The following XRN1 variants were observed in gnomAD, a reference collection of about 807,000 sequenced individuals.
XRN1 encodes 5'-3' exoribonuclease 1, also known as strand-exchange protein 1 homolog.
A neutral mutation model predicts 222.3 loss-of-function variants in XRN1; 67 were observed. The observed-to-expected ratio is 0.30, with a 90% CI of 0.25 to 0.37. The LOEUF is 0.37. Among genes scored for constraint, XRN1 ranks in the 10% least tolerant of loss-of-function variants. The pLI is 1.00. For missense variants in XRN1, 1,707 were observed against 2,000.2 expected, an observed-to-expected ratio of 0.85 and a Z score of 2.80; for synonymous variants, 643 against 652.4, an observed-to-expected ratio of 0.99 and a Z score of 0.22.
In XRN1 at chr3:142,418,814, C is replaced by A; in HGVS notation, c.1240+1G>T. On this transcript the variant is annotated splice_donor_variant, in intron 11 of 40. Transcript: ENST00000392981. LOFTEE classifies it high-confidence loss of function. ...TATCAAAACACATACTTCATACTTACCCTTAGAAGTTATCATTTCGCCTTC... is the reference window on the plus strand; with the variant it reads ...TATCAAAACACATACTTCATACTTAACCTTAGAAGTTATCATTTCGCCTTC... 1 of 1,613,670 alleles carries A rather than the reference C, an allele frequency of 6.2e-7. No individual in the cohort carries two copies. The highest frequency in any genetic ancestry group is 8.5e-7 in the Non-Finnish European group (1 of 1,179,670).
At chr3:142,427,845 G>C (rs2069325982) in intron 2 of XRN1, among the ~76,000 whole-genome samples, 1 of 152,216 alleles carries the variant, frequency 6.6e-6, no homozygotes. Flanking sequence ...TCTGCTTTGA[G>C]TATAGTTTCT....
At chr3:142,338,015 G>C (rs1022442427) in intron 33 of XRN1, among the ~76,000 whole-genome samples, 2 of 152,154 alleles carry the variant, frequency 1.3e-5, no homozygotes, top group Non-Finnish European at 2.9e-5. Context: ...GAAGTGCTTT[G>C]GAGCCTTAAA....
chr3:142,324,459 T>G (rs1332114815), intron 37 of XRN1, among the ~76,000 whole-genome samples: 1 of 152,066 alleles, frequency 6.6e-6, no homozygotes, highest in Non-Finnish European at 1.5e-5. Context: ...TATTCCATGG[T>G]GTATATCTGC....
intron 15 of XRN1, among the ~76,000 whole-genome samples, chr3:142,406,467 T>G (rs1275610375): frequency 6.6e-6 from 1 of 152,220 alleles, no homozygotes; most frequent in Non-Finnish European, 1.5e-5. Context: ...ATATGACTGC[T>G]GACATGGCTG....
At chr3:142,382,517 CTG>C (rs1243673016) in intron 22 of XRN1, among the ~76,000 whole-genome samples, 1 of 152,092 alleles carries the variant, frequency 6.6e-6, no homozygotes, top group Non-Finnish European at 1.5e-5. Flanking sequence ...AACCTGGTTC[CTG>C]TGTTTACATG....
intron 29 of XRN1, 60 bp downstream of exon 29, chr3:142,364,987 C>T (rs1429561217): frequency 9.3e-6 from 14 of 1,501,146 alleles, no homozygotes; most frequent in Non-Finnish European, 1.3e-5. Flanking sequence ...AACAGACAAG[C>T]CTGTTTATTA....
Position 142,316,435 on chromosome 3 carries a change from G to A in XRN1, c.4621+2157C>T, listed in dbSNP as rs6784923. 8.7e-4 allele frequency among the ~76,000 whole-genome samples: 132 copies of A among 151,910 alleles called. 1 individual carries two copies. Among genetic ancestry groups the A allele is most frequent in the African/African-American group, 2.9e-3 (119 of 41,470 alleles). On this transcript the variant is annotated intron_variant, in intron 39 of 40. Transcript: ENST00000392981. Reference sequence around the variant, plus strand: ...GGGGTTTTATCATGTTGCCCAGGCTGTTTTGCCATGTTGCCCAGGCTAATA... The same window carrying A: ...GGGGTTTTATCATGTTGCCCAGGCTATTTTGCCATGTTGCCCAGGCTAATA...
chr3:142,352,441 A>AT (rs1298998152), intron 32 of XRN1, among the ~76,000 whole-genome samples: 3 of 151,380 alleles, frequency 2.0e-5, no homozygotes, highest in African/African-American at 4.9e-5. Context: ...TGTCACCTTA[A>AT]TTTTTTTCTT....
At chr3:142,428,322 G>C (rs1253723088) in intron 2 of XRN1, among the ~76,000 whole-genome samples, 1 of 151,170 alleles carries the variant, frequency 6.6e-6, no homozygotes, top group African/African-American at 2.4e-5. Flanking sequence ...TTGAACCCAG[G>C]GGGCAGAGGC....
At chr3:142,347,519 C>T (rs974544720) in intron 32 of XRN1, among the ~76,000 whole-genome samples, 177 bp from the exon 33 acceptor site, 2 of 151,946 alleles carry the variant, frequency 1.3e-5, no homozygotes. Flanking sequence ...GACTCATTAA[C>T]ATAATGATCA....
At chr3:142,339,905 A>G (rs1210288079) in intron 33 of XRN1, among the ~76,000 whole-genome samples, 1 of 152,372 alleles carries the variant, frequency 6.6e-6, no homozygotes, top group Admixed American at 6.5e-5. Flanking sequence ...GAATTCTATC[A>G]GATACATTTC....
rs145329145 is a variant in XRN1 at position 142,338,215 on chromosome 3, C to T, written c.3878-2706G>A. On this transcript the variant is annotated intron_variant, in intron 33 of 40. Coordinates refer to ENST00000392981, the MANE Select transcript of XRN1 (RefSeq NM_001282857.2). The stretch of plus-strand genomic sequence containing the variant: ...CAGCTTGAGGCTCCAAAAGACATCC[C>T]TCTCTTCCACTTGACGAAAGAAAAG... 7.2e-5 allele frequency among the ~76,000 whole-genome samples: 11 copies of T among 152,300 alleles called. No homozygotes were observed. The East Asian group carries it at 1.4e-3, about 19-fold the overall frequency.
chr3:142,384,941 A>C (rs1331775606), intron 20 of XRN1, among the ~76,000 whole-genome samples: 3 of 152,168 alleles, frequency 2.0e-5, no homozygotes, highest in African/African-American at 7.2e-5. Context: ...TCTCACATCC[A>C]CTAGGATCGT....
chr3:142,364,561 T>G (rs1022402657), intron 29 of XRN1, among the ~76,000 whole-genome samples: 2 of 152,188 alleles, frequency 1.3e-5, no homozygotes, highest in Non-Finnish European at 2.9e-5. Flanking sequence ...GTTGTATTCA[T>G]AAAGTCCAAA....
intron 25 of XRN1, 35 bp from the exon 26 acceptor site, chr3:142,371,363 T>C (rs758459194): frequency 6.7e-7 from 1 of 1,496,222 alleles, no homozygotes; most frequent in Non-Finnish European, 9.1e-7. Context: ...TCTTAAAATA[T>C]ATATGGTTAA....
rs958306780 is a variant in XRN1 at position 142,309,836 on chromosome 3, G to A, written c.*1675C>T. ...TACTGTCACAATTTAACTTTTCTTT[G>A]TATTACCATAATAGATGTTTCCTTT... On this transcript the variant is annotated 3_prime_UTR_variant, in exon 41 of 41. Coordinates refer to ENST00000392981, the MANE Select transcript of XRN1 (RefSeq NM_001282857.2). 2 of 152,124 alleles carry A rather than the reference G, an allele frequency of 1.3e-5. No individual in the cohort carries two copies. The highest frequency in any genetic ancestry group is 2.9e-5 in the Non-Finnish European group (2 of 68,010). 9.4% of individuals were successfully genotyped at this position (152,124 alleles called of 1,614,324 possible).
rs750789325 is a variant in XRN1 at position 142,432,843 on chromosome 3, C to G, written c.126G>C (p.Gln42His). 3 of 1,613,832 alleles carry G rather than the reference C, an allele frequency of 1.9e-6. No homozygotes were observed. In the Admixed American group the frequency reaches 5.0e-5, roughly 27 times the overall value. ...CATCATCATCATTAGGATGGGAGCA[C>G]TGATGTATAATTCCATTCATATCCA... is the stretch of plus-strand genomic sequence containing the variant. The part of the protein sequence containing the change: ...LYLDMNGIIH[Q>H]CSHPNDDDVH... Residue 42 changes from glutamine to histidine, a missense_variant, in exon 2 of 41, where the codon CAG (glutamine) becomes CAC (histidine). Physicochemically the swap from Gln to His is conservative, Grantham distance 24 (BLOSUM62 0). Coordinates refer to ENST00000392981, the MANE Select transcript of XRN1 (RefSeq NM_001282857.2).
chr3:142,321,422 T>C (rs1345045522), intron 37 of XRN1, among the ~76,000 whole-genome samples: 1 of 152,170 alleles, frequency 6.6e-6, no homozygotes, highest in African/African-American at 2.4e-5. Context: ...CGCCCGGCTA[T>C]CCACTTCCAA....
chr3:142,337,566 G>T (rs2065884938), intron 33 of XRN1, among the ~76,000 whole-genome samples: 1 of 152,128 alleles, frequency 6.6e-6, no homozygotes, highest in Non-Finnish European at 1.5e-5. Context: ...CAAGGGAAGA[G>T]AAATAATTAC....
Sources: allele counts gnomAD v4.1 joint callset (sites outside exome capture counted in the v4.1 genomes callset), GRCh38; gene constraint gnomAD v4.1.1; transcripts MANE v1.5; gene names NCBI Gene and HGNC (gene_info 2026-07-23, HGNC 2026-07-21).